FHIT: variants seen among roughly 807,000 people sequenced by gnomAD.
FHIT encodes the protein fragile histidine triad diadenosine triphosphatase, also known as bis(5'-adenosyl)-triphosphatase.
A neutral mutation model predicts 17.9 loss-of-function variants in FHIT; 19 were observed. The observed-to-expected ratio is 1.06, with a 90% CI of 0.74 to 1.56. FHIT has a LOEUF of 1.56. Among genes scored for constraint, FHIT ranks in the 40% most tolerant of loss-of-function variants. The pLI, the probability that FHIT is intolerant of heterozygous loss-of-function variation, is 0.00. For synonymous variants in FHIT, 81 were observed against 69.7 expected, an observed-to-expected ratio of 1.16 and a Z score of -0.81; for missense variants, 248 against 189.2, an observed-to-expected ratio of 1.31 and a Z score of -1.82.
At chr3:60,406,664 GAGA>G (rs750663801) in intron 5 of FHIT, among the ~76,000 whole-genome samples, 10 of 144,270 alleles carry the variant, frequency 6.9e-5, no homozygotes, top group Non-Finnish European at 1.5e-4. Flanking sequence ...CCAAATTCTA[GAGA>G]AGGATGGTGG....
At chr3:60,494,324 GT>G (rs1359420096) in intron 5 of FHIT, among the ~76,000 whole-genome samples, 3 of 152,076 alleles carry the variant, frequency 2.0e-5, no homozygotes, top group Non-Finnish European at 4.4e-5. Flanking sequence ...TTAGTGTATA[GT>G]TTTAATTTTT....
At chr3:60,291,989 C>G (rs927893538) in intron 5 of FHIT, among the ~76,000 whole-genome samples, 8 of 152,046 alleles carry the variant, frequency 5.3e-5, no homozygotes, top group African/African-American at 1.9e-4. Context: ...ATGATAGATT[C>G]CGGTGATTTT....
intron 5 of FHIT, among the ~76,000 whole-genome samples, chr3:60,157,995 G>T (rs895024902): frequency 1.4e-4 from 22 of 152,262 alleles, no homozygotes; most frequent in African/African-American, 5.1e-4. Flanking sequence ...GAGACTAGTT[G>T]TTCTTCCTTA....
At chr3:60,211,803 T>C (rs1703464426) in intron 5 of FHIT, among the ~76,000 whole-genome samples, 1 of 152,120 alleles carries the variant, frequency 6.6e-6, no homozygotes, top group South Asian at 2.1e-4. Flanking sequence ...GGAAAACCAC[T>C]CTCCCAAAGA....
intron 4 of FHIT, among the ~76,000 whole-genome samples, chr3:60,615,134 C>T (rs2038913877): frequency 6.6e-6 from 1 of 152,084 alleles, no homozygotes; most frequent in Admixed American, 6.6e-5. Flanking sequence ...AATGACCGTT[C>T]TTGAATTGTT....
rs139837652 is a variant in FHIT, at chr3:60,443,234, C to T, written c.103+93626G>A. ...TCATCTGCAAACAGTGACAATTTGA[C>T]TTCCTCTTTTCCTAACTGAATACCC... is the stretch of plus-strand genomic sequence containing the variant. On this transcript the variant is annotated intron_variant, in intron 5 of 9. Coordinates refer to ENST00000492590, the MANE Select transcript of FHIT (RefSeq NM_002012.4). Among the ~76,000 whole-genome samples, 1,396 of 152,290 alleles carry T rather than the reference C, an allele frequency of 9.2e-3. 15 individuals carry two copies. Among genetic ancestry groups the T allele is most frequent in the East Asian group, 0.028 (143 of 5,174 alleles).
intron 4 of FHIT, among the ~76,000 whole-genome samples, chr3:60,809,105 TAACTCATAAAATGTCTCTAAG>T (rs1253254106): frequency 6.6e-6 from 1 of 152,226 alleles, no homozygotes; most frequent in Non-Finnish European, 1.5e-5. Context: ...TGAGAAAAGC[TAACTCATAAAATGTCTCTAAG>T]AGTAGACATT....
At chr3:59,821,747 T>G (rs976853247) in intron 8 of FHIT, among the ~76,000 whole-genome samples, 15 of 149,938 alleles carry the variant, frequency 1.0e-4, no homozygotes, top group African/African-American at 3.5e-4. Context: ...GTTCTTAGAG[T>G]TTTTTTTTAA....
Position 60,172,518 on chromosome 3 carries a change from C to T in FHIT, c.104-158366G>A, listed in dbSNP as rs528752234. On this transcript the variant is annotated intron_variant, in intron 5 of 9. Transcript: ENST00000492590. ...CTCGAACTCCCAACCTCAGGTGATC[C>T]GCCTGCCTTGGCCTCCCAAAGTGCT... Among the ~76,000 whole-genome samples the T allele has an allele frequency of 1.5e-3, 228 of 152,034 alleles. 2 individuals are homozygous for T. The highest frequency in any genetic ancestry group is 2.6e-3 in the Non-Finnish European group (178 of 67,988).
chr3:60,329,611 G>A (rs1559825219), intron 5 of FHIT, among the ~76,000 whole-genome samples: 1 of 152,206 alleles, frequency 6.6e-6, no homozygotes, highest in African/African-American at 2.4e-5. Context: ...AGTTAGGTGA[G>A]TAACTAGCAG....
chr3:60,868,149 T>A (rs1553754253), intron 3 of FHIT, among the ~76,000 whole-genome samples: 1 of 152,154 alleles, frequency 6.6e-6, no homozygotes, highest in Non-Finnish European at 1.5e-5. Context: ...TCTTTACACA[T>A]CTCAGAATAA....
intron 8 of FHIT, among the ~76,000 whole-genome samples, chr3:59,777,722 C>A (rs1702394322): frequency 6.6e-6 from 1 of 151,856 alleles, no homozygotes; most frequent in South Asian, 2.1e-4. Flanking sequence ...ATGCTAGGCC[C>A]TGAAGACCTC....
chr3:60,124,037 G>C (rs1227218376), intron 5 of FHIT, among the ~76,000 whole-genome samples: 1 of 115,484 alleles, frequency 8.7e-6, no homozygotes, highest in Non-Finnish European at 1.8e-5. Context: ...GAGAGAGAGA[G>C]AGAGAGAGAG....
intron 8 of FHIT, among the ~76,000 whole-genome samples, chr3:59,906,163 G>A (rs745909145): frequency 1.3e-5 from 2 of 152,192 alleles, no homozygotes; most frequent in African/African-American, 4.8e-5. Context: ...TAACTGGACA[G>A]TACAATGCTC....
intron 3 of FHIT, among the ~76,000 whole-genome samples, chr3:60,840,478 C>T (rs1207175851): frequency 2.6e-5 from 4 of 152,122 alleles, no homozygotes; most frequent in African/African-American, 9.7e-5. Context: ...CTACAAAGTC[C>T]CCAGTTTTCC....
intron 4 of FHIT, among the ~76,000 whole-genome samples, chr3:60,615,230 A>T (rs2038916813): frequency 6.6e-6 from 1 of 152,208 alleles, no homozygotes; most frequent in Non-Finnish European, 1.5e-5. Context: ...GGAGGGATGG[A>T]AACAAAGTGC....
At chr3:59,832,157 C>G (rs1273545088) in intron 8 of FHIT, among the ~76,000 whole-genome samples, 1 of 152,058 alleles carries the variant, frequency 6.6e-6, no homozygotes, top group Non-Finnish European at 1.5e-5. Flanking sequence ...TGGATTGTAC[C>G]TTAAGTGGTT....
chr3:61,134,118 C>CACACACACACACACAT (rs2036844535), intron 2 of FHIT, among the ~76,000 whole-genome samples: 2 of 151,662 alleles, frequency 1.3e-5, no homozygotes, highest in Non-Finnish European at 2.9e-5. Context: ...CACACACACA[C>CACACACACACACACAT]ACACACACAC....
At chr3:60,744,386 T>C (rs1388104840) in intron 4 of FHIT, among the ~76,000 whole-genome samples, 1 of 151,546 alleles carries the variant, frequency 6.6e-6, no homozygotes, top group African/African-American at 2.4e-5. Flanking sequence ...TGCAGACAAG[T>C]AGGGGAACTA....
Sources: allele counts gnomAD v4.1 joint callset (sites outside exome capture counted in the v4.1 genomes callset), GRCh38; gene constraint gnomAD v4.1.1; transcripts MANE v1.5; gene names NCBI Gene and HGNC (gene_info 2026-07-23, HGNC 2026-07-21).